The following TCF4 variants were observed in gnomAD, a reference collection of about 807,000 sequenced individuals.
TCF4 encodes transcription factor 4.
Under a neutral mutation model 82.1 loss-of-function variants are expected in TCF4, and 3 were observed. That is an observed-to-expected ratio of 0.04 (90% CI 0.02 to 0.09). The LOEUF (loss-of-function observed/expected upper bound fraction) is 0.09, where lower values mean the gene tolerates loss of function less well. Among genes scored for constraint, TCF4 ranks in the 10% least tolerant of loss-of-function variants. The pLI, the probability that TCF4 is intolerant of heterozygous loss-of-function variation, is 1.00. For synonymous variants in TCF4, 276 were observed against 309.6 expected (o/e 0.89, Z 1.14); for missense variants, 518 against 852.7 (o/e 0.61, Z 4.89).
intron 8 of TCF4, among the ~76,000 whole-genome samples, chr18:55,288,287 T>C (rs1450955913): frequency 6.6e-6 from 1 of 152,302 alleles, no homozygotes; most frequent in South Asian, 2.1e-4. Flanking sequence ...AAAGAAGTCA[T>C]TATTTATATC....
chr18:55,329,223 G>C (rs942882897), intron 8 of TCF4, among the ~76,000 whole-genome samples: 1 of 152,154 alleles, frequency 6.6e-6, no homozygotes, highest in East Asian at 1.9e-4. Flanking sequence ...GCTTAAGCAG[G>C]TCATTGGTCC....
At chr18:55,447,377 G>A (rs1454270713) in intron 5 of TCF4, among the ~76,000 whole-genome samples, 4 of 152,008 alleles carry the variant, frequency 2.6e-5, no homozygotes, top group Non-Finnish European at 5.9e-5. Flanking sequence ...AACACCCTGG[G>A]AACACATGGA....
chr18:55,494,972 A>T (rs543113957), intron 3 of TCF4, among the ~76,000 whole-genome samples: 3 of 151,150 alleles, frequency 2.0e-5, no homozygotes, highest in Non-Finnish European at 4.4e-5. Flanking sequence ...CTTTAAAAAA[A>T]AAAAAAAAGA....
At chr18:55,618,721 A>T (rs1423698807) in intron 2 of TCF4, among the ~76,000 whole-genome samples, 1 of 151,132 alleles carries the variant, frequency 6.6e-6, no homozygotes, top group African/African-American at 2.4e-5. Context: ...AACTGGGACC[A>T]CAGGCACATG....
intron 5 of TCF4, among the ~76,000 whole-genome samples, chr18:55,439,501 C>A (rs1451562073): frequency 6.6e-6 from 1 of 152,146 alleles, no homozygotes; most frequent in Admixed American, 6.5e-5. Flanking sequence ...CAGAAAGTAT[C>A]TAGCTTTTCC....
At chr18:55,514,248 GT>G (rs2096856912) in intron 3 of TCF4, among the ~76,000 whole-genome samples, 23 of 152,082 alleles carry the variant, frequency 1.5e-4, no homozygotes, top group Admixed American at 1.5e-3. Context: ...ATGGCATCCT[GT>G]GGTGACAATG....
chr18:55,605,933 T>C (rs2097701811), intron 2 of TCF4, among the ~76,000 whole-genome samples: 1 of 152,226 alleles, frequency 6.6e-6, no homozygotes, highest in African/African-American at 2.4e-5. Context: ...ATTGTGTCAG[T>C]ATCAGCTGTG....
intron 3 of TCF4, among the ~76,000 whole-genome samples, chr18:55,498,704 G>A (rs995054307): frequency 6.6e-6 from 1 of 152,114 alleles, no homozygotes; most frequent in African/African-American, 2.4e-5. Context: ...CAGGGGCTCC[G>A]TCTACTTCCA....
intron 3 of TCF4, among the ~76,000 whole-genome samples, chr18:55,487,184 C>T (rs2096526544): frequency 6.6e-6 from 1 of 152,102 alleles, no homozygotes; most frequent in South Asian, 2.1e-4. Flanking sequence ...CTAATATATC[C>T]CTGGCTGTCG....
At chr18:55,360,956 A>G (rs896816968) in intron 6 of TCF4, among the ~76,000 whole-genome samples, 1 of 151,770 alleles carries the variant, frequency 6.6e-6, no homozygotes, top group Non-Finnish European at 1.5e-5. Context: ...CAATCTCTTG[A>G]CCTCGTGATC....
intron 5 of TCF4, among the ~76,000 whole-genome samples, chr18:55,423,925 G>C (rs559888486): frequency 6.6e-6 from 1 of 152,270 alleles, no homozygotes; most frequent in East Asian, 1.9e-4. Context: ...GGATGGGAGG[G>C]GAGATGAGGA....
chr18:55,462,507 A>T (rs528035558), intron 4 of TCF4, among the ~76,000 whole-genome samples: 3 of 152,314 alleles, frequency 2.0e-5, no homozygotes, highest in South Asian at 2.1e-4. Flanking sequence ...TAGAAAATAT[A>T]AATTACACAA....
chr18:55,257,286 T>C (rs1204796385), intron 14 of TCF4, 29 bp downstream of exon 14: 19 of 1,604,440 alleles, frequency 1.2e-5, no homozygotes, highest in Non-Finnish European at 1.5e-5. Flanking sequence ...TGAAAATGGG[T>C]GGGACAGAGA....
chr18:55,406,143 T>C (rs2094075676), intron 5 of TCF4, among the ~76,000 whole-genome samples: 3 of 150,996 alleles, frequency 2.0e-5, no homozygotes, highest in African/African-American at 7.3e-5. Context: ...TTTTTTTTTT[T>C]TTTTTTAAGG....
chr18:55,300,119 CACA>C (rs571649151), intron 8 of TCF4, among the ~76,000 whole-genome samples: 59 of 152,112 alleles, frequency 3.9e-4, no homozygotes, highest in African/African-American at 1.4e-3. Context: ...CACACACACA[CACA>C]CACCCCACAT....
At chr18:55,573,391 A>T (rs1415979968) in intron 3 of TCF4, among the ~76,000 whole-genome samples, 1 of 152,006 alleles carries the variant, frequency 6.6e-6, no homozygotes, top group African/African-American at 2.4e-5. Context: ...TTAATTCTCC[A>T]ACTTTACCAC....
Position 55,622,895 on chromosome 18 carries a change from G to GTGTA in TCF4, c.286+8402_286+8403insTACA, listed in dbSNP as rs1414817043. ...CTTTCTCCACTCTGTGTGTGTGTGT[G>GTGTA]TGTGTGTGTTGTGGAGATGGTGGGA... On this transcript the variant is annotated intron_variant, in intron 2 of 20. Coordinates refer to the TCF4 transcript ENST00000398339. Among the ~76,000 whole-genome samples, 3 of 152,002 alleles carry GTGTA rather than the reference G, an allele frequency of 2.0e-5. No individual in the cohort carries two copies. In the East Asian group the frequency reaches 5.8e-4, roughly 29 times the overall value.
intron 3 of TCF4, among the ~76,000 whole-genome samples, chr18:55,489,667 A>G (rs1460933971): frequency 2.0e-5 from 3 of 152,230 alleles, no homozygotes; most frequent in African/African-American, 7.2e-5. Context: ...CATTTTCCAC[A>G]AGGCAATCTG....
intron 5 of TCF4, chr18:55,423,378 T>A (rs2094846199): frequency 6.7e-6 from 1 of 150,318 alleles, no homozygotes; most frequent in Non-Finnish European, 1.5e-5. Context: ...ACAGGCAGCA[T>A]TAAAACTCCA....
Sources: gnomAD v4.1 joint callset for allele counts (sites outside exome capture counted in the v4.1 genomes callset) on GRCh38, gnomAD v4.1.1 for gene constraint, MANE v1.5 for transcripts, NCBI Gene and HGNC (gene_info 2026-07-23, HGNC 2026-07-21) for gene names.